RNLS: variants seen among roughly 807,000 people sequenced by gnomAD.
The protein encoded by RNLS is renalase, FAD dependent amine oxidase.
RNLS carries 39 observed loss-of-function variants against 39.8 expected under a neutral mutation model. That is an observed-to-expected ratio of 0.98 (90% confidence interval 0.76 to 1.28). The LOEUF is 1.28. Among genes scored for constraint, RNLS ranks in the 50% most tolerant of loss-of-function variants. RNLS has a pLI of 0.00. For synonymous variants in RNLS, 147 were observed against 150.7 expected (o/e 0.98, Z 0.18); for missense variants, 410 against 413.3 (o/e 0.99, Z 0.07).
chr10:88,545,173 A>G (rs527676181), intron 4 of RNLS, among the ~76,000 whole-genome samples: 1 of 152,132 alleles, frequency 6.6e-6, no homozygotes, highest in Admixed American at 6.6e-5. Flanking sequence ...TTAGCACTAC[A>G]ATCTGTATTT....
intron 4 of RNLS, among the ~76,000 whole-genome samples, chr10:88,570,122 A>G (rs1027911213): frequency 6.7e-6 from 1 of 149,722 alleles, no homozygotes; most frequent in Non-Finnish European, 1.5e-5. Flanking sequence ...ATGTCCAACA[A>G]CTGGAGAAAT....
intron 5 of RNLS, among the ~76,000 whole-genome samples, chr10:88,338,469 C>T (rs1198348039): frequency 2.0e-5 from 3 of 152,196 alleles, no homozygotes; most frequent in South Asian, 2.1e-4. Flanking sequence ...ACAAGTGATT[C>T]ACAAGCGTCA....
intron 4 of RNLS, among the ~76,000 whole-genome samples, chr10:88,443,631 C>T (rs996692176): frequency 2.1e-4 from 32 of 152,236 alleles, no homozygotes; most frequent in Non-Finnish European, 4.1e-4. Context: ...CTGCACTTTT[C>T]CAATGGTCTT....
intron 4 of RNLS, among the ~76,000 whole-genome samples, chr10:88,453,949 AC>A (rs2133906924): frequency 6.6e-6 from 1 of 152,346 alleles, no homozygotes; most frequent in East Asian, 1.9e-4. Context: ...ACAAACAAGA[AC>A]ATATTGATCT....
chr10:88,310,801 CAAAAAAAAAAAAAAAAA>C (rs577838661), intron 6 of RNLS, among the ~76,000 whole-genome samples: 1 of 19,586 alleles, frequency 5.1e-5, no homozygotes, highest in Non-Finnish European at 9.0e-5. Context: ...CTACCTCTGC[CAAAAAAAAAAAAAAAAA>C]AAAAAAAAAG....
In RNLS at chr10:88,463,919, A is replaced by C. The variant is rs185260249; in HGVS notation, c.527-101194T>G. Reference sequence around the variant, plus strand: ...GGCCTCAAAATAATTGCCATTTAGCAAGAGAATTTCTCTTTAACTTTTCTT... The same window carrying C: ...GGCCTCAAAATAATTGCCATTTAGCCAGAGAATTTCTCTTTAACTTTTCTT... On this transcript the variant is annotated intron_variant, in intron 4 of 6. Transcript: ENST00000331772. Among the ~76,000 whole-genome samples the C allele has an allele frequency of 2.3e-3, 351 of 152,116 alleles. 2 individuals are homozygous for C. Among genetic ancestry groups the C allele is most frequent in the African/African-American group, 8.0e-3 (333 of 41,532 alleles).
At chr10:88,279,342 C>G (rs1842927012), downstream of RNLS, among the ~76,000 whole-genome samples, 2 of 152,020 alleles carry the variant, frequency 1.3e-5, no homozygotes, top group African/African-American at 4.8e-5. Context: ...TAATAATGGC[C>G]AGCATTTATG....
At chr10:88,449,579 G>A (rs960331293) in intron 4 of RNLS, among the ~76,000 whole-genome samples, 15 of 152,070 alleles carry the variant, frequency 9.9e-5, no homozygotes, top group Non-Finnish European at 7.4e-5. Flanking sequence ...ACTCTCATTT[G>A]TCTTTTTGTC....
chr10:88,384,275 G>A (rs1451100143), intron 4 of RNLS, among the ~76,000 whole-genome samples: 1 of 152,134 alleles, frequency 6.6e-6, no homozygotes, highest in East Asian at 1.9e-4. Flanking sequence ...TTTGTTGAGT[G>A]CTTACTATGT....
chr10:88,443,735 G>A (rs1841866916), intron 4 of RNLS, among the ~76,000 whole-genome samples: 2 of 152,362 alleles, frequency 1.3e-5, no homozygotes, highest in African/African-American at 4.8e-5. Flanking sequence ...TAGCACAGCA[G>A]TCTGAGAACC....
chr10:88,523,231 G>A lies in RNLS; in HGVS notation c.526+49672C>T, dbSNP rs75225685. On this transcript the variant is annotated intron_variant, in intron 4 of 6. Coordinates refer to ENST00000331772, the MANE Select transcript of RNLS (RefSeq NM_001031709.3). ...GATTCTGAACCTTCATCATAAAAAC[G>A]GTTTCCTTAAATAAAATAATGCTAT... 9.9e-5 allele frequency among the ~76,000 whole-genome samples: 15 copies of A among 152,050 alleles called. No individual in the cohort carries two copies. The East Asian group carries it at 1.4e-3, about 14-fold the overall frequency.
At chr10:88,364,370 C>A (rs951858082) in intron 4 of RNLS, among the ~76,000 whole-genome samples, 1 of 152,020 alleles carries the variant, frequency 6.6e-6, no homozygotes, top group South Asian at 2.1e-4. Flanking sequence ...AGTAATAATC[C>A]TATACATTAT....
At chr10:88,182,898 A>G in the RNLS span, among the ~76,000 whole-genome samples, 1 of 152,104 alleles carries the variant, frequency 6.6e-6, no homozygotes, top group Non-Finnish European at 1.5e-5. Context: ...TAAAAAGAAC[A>G]CAGATTGGGA....
chr10:88,257,587 C>T, the RNLS span, among the ~76,000 whole-genome samples: 35 of 152,134 alleles, frequency 2.3e-4, 1 homozygote, highest in South Asian at 3.7e-3. Context: ...CAGTCAGTGC[C>T]GATGAATCCC....
chr10:88,304,728 GA>G (rs2132981541), intron 6 of RNLS, among the ~76,000 whole-genome samples: 1 of 152,286 alleles, frequency 6.6e-6, no homozygotes, highest in South Asian at 2.1e-4. Context: ...TGGTGTCCCT[GA>G]AAGAGATGAA....
intron 5 of RNLS, among the ~76,000 whole-genome samples, chr10:88,334,319 A>C (rs947815718): frequency 1.3e-5 from 2 of 152,170 alleles, no homozygotes; most frequent in Non-Finnish European, 2.9e-5. Context: ...GCATTTTTGC[A>C]TACAAATCCA....
the RNLS span, among the ~76,000 whole-genome samples, chr10:88,199,740 G>A: frequency 2.0e-5 from 3 of 152,140 alleles, no homozygotes; most frequent in Non-Finnish European, 4.4e-5. Context: ...TAGAGGGAAG[G>A]GAAAACATCT....
chr10:88,270,271 C>T (rs1266499940), downstream of RNLS, among the ~76,000 whole-genome samples: 1 of 152,164 alleles, frequency 6.6e-6, no homozygotes, highest in East Asian at 1.9e-4. Context: ...ACTCCTAGTG[C>T]GGTCAAGTGC....
intron 4 of RNLS, among the ~76,000 whole-genome samples, chr10:88,451,647 T>G (rs1265421177): frequency 3.9e-5 from 6 of 152,202 alleles, no homozygotes; most frequent in Non-Finnish European, 8.8e-5. Flanking sequence ...ATGTAAGAAG[T>G]GCAGAGTGTA....
Sources: gnomAD v4.1 joint callset for allele counts (sites outside exome capture counted in the v4.1 genomes callset) on GRCh38, gnomAD v4.1.1 for gene constraint, MANE v1.5 for transcripts, NCBI Gene and HGNC (gene_info 2026-07-23, HGNC 2026-07-21) for gene names.